The following GMDS variants were observed in gnomAD, a reference collection of about 807,000 sequenced individuals.
GMDS encodes the protein GDP-mannose 4,6-dehydratase.
In GMDS, 20 loss-of-function variants were observed where a neutral mutation model predicts 49.9. The observed-to-expected ratio is 0.40, with a 90% CI of 0.28 to 0.58. GMDS has a LOEUF of 0.58. GMDS is among the 20% of genes least tolerant of loss of function. GMDS has a pLI of 0.42. For synonymous variants in GMDS, 177 were observed against 178.6 expected (o/e 0.99, Z 0.07); for missense variants, 362 against 481.4 (o/e 0.75, Z 2.32).
intron 8 of GMDS, among the ~76,000 whole-genome samples, chr6:1,734,554 C>T (rs2113464493): frequency 6.6e-6 from 1 of 152,322 alleles, no homozygotes; most frequent in South Asian, 2.1e-4. Flanking sequence ...CCACCCTGGG[C>T]CCAGACAACA....
chr6:1,877,377 C>T (rs1160201930), intron 7 of GMDS, among the ~76,000 whole-genome samples: 1 of 152,058 alleles, frequency 6.6e-6, no homozygotes, highest in Non-Finnish European at 1.5e-5. Context: ...TGGTGGCTCA[C>T]CTCTGTAATC....
chr6:1,726,816 A>G (rs1314627472), intron 8 of GMDS, among the ~76,000 whole-genome samples: 11 of 152,168 alleles, frequency 7.2e-5, no homozygotes, highest in Admixed American at 7.2e-4. Context: ...AGGGATTTCA[A>G]AGATTTTGTA....
At chr6:2,040,748 C>T (rs573407064) in intron 4 of GMDS, among the ~76,000 whole-genome samples, 3 of 152,246 alleles carry the variant, frequency 2.0e-5, no homozygotes, top group South Asian at 4.1e-4. Flanking sequence ...CCTTCTCCCC[C>T]GAAGCAGGTC....
intron 7 of GMDS, among the ~76,000 whole-genome samples, chr6:1,865,030 A>G (rs1188782371): frequency 2.0e-5 from 3 of 152,186 alleles, no homozygotes; most frequent in Non-Finnish European, 2.9e-5. Flanking sequence ...TTATTGCCGG[A>G]GCTTAGAAAC....
intron 2 of GMDS, among the ~76,000 whole-genome samples, chr6:2,121,244 C>A (rs1403756386): frequency 6.6e-6 from 1 of 152,162 alleles, no homozygotes; most frequent in Admixed American, 6.5e-5. Flanking sequence ...GAGAATGATC[C>A]TCTGCACTTC....
At chr6:2,190,563 A>C (rs953634507) in intron 1 of GMDS, among the ~76,000 whole-genome samples, 3 of 152,224 alleles carry the variant, frequency 2.0e-5, no homozygotes, top group African/African-American at 7.2e-5. Context: ...CAGGACCCCA[A>C]GAGGCTGCCA....
chr6:2,000,238 T>C (rs998015571), intron 4 of GMDS, among the ~76,000 whole-genome samples: 17 of 149,664 alleles, frequency 1.1e-4, no homozygotes, highest in Middle Eastern at 3.4e-3. Context: ...GGTTTCACCG[T>C]GTTAGCCAGG....
At chr6:1,918,596 A>G (rs1295676665) in intron 7 of GMDS, among the ~76,000 whole-genome samples, 2 of 151,582 alleles carry the variant, frequency 1.3e-5, no homozygotes, top group East Asian at 3.9e-4. Context: ...AAAGAAAAAA[A>G]AATTCAGCCG....
At chr6:2,059,533 C>T (rs1770999797) in intron 4 of GMDS, among the ~76,000 whole-genome samples, 1 of 147,702 alleles carries the variant, frequency 6.8e-6, no homozygotes, top group Non-Finnish European at 1.5e-5. Flanking sequence ...ACGGTGAAAC[C>T]CCGTCTCTAC....
intron 4 of GMDS, among the ~76,000 whole-genome samples, chr6:1,991,810 A>T (rs1250319397): frequency 6.6e-6 from 1 of 152,216 alleles, no homozygotes; most frequent in Non-Finnish European, 1.5e-5. Context: ...ATGTAATTTG[A>T]TAAGATGAAG....
intron 9 of GMDS, among the ~76,000 whole-genome samples, chr6:1,720,883 A>G (rs185275092): frequency 1.1e-3 from 171 of 152,232 alleles, no homozygotes; most frequent in Non-Finnish European, 1.6e-3. Context: ...GGGGGATCTA[A>G]TTTCCTGCTT....
rs543248059 is a variant in GMDS, at chr6:2,175,814, C to T, written c.103-51083G>A. On this transcript the variant is annotated intron_variant, in intron 1 of 10. Coordinates refer to ENST00000380815, the MANE Select transcript of GMDS (RefSeq NM_001500.4). ...GCTAACATTTATATAGCCCTTAAAACATGTTGTAAGCACCTTATGCATGAA... is the reference window on the plus strand; with the variant it reads ...GCTAACATTTATATAGCCCTTAAAATATGTTGTAAGCACCTTATGCATGAA... 61 of 634,622 alleles carry T rather than the reference C, an allele frequency of 9.6e-5. 1 individual carries two copies. In the South Asian group the frequency reaches 1.1e-3, roughly 11 times the overall value. The allele number at this position is 634,622 out of a possible 1,614,324, so 39.3% of individuals were successfully genotyped here.
chr6:2,021,708 C>T (rs1218716869), intron 4 of GMDS, among the ~76,000 whole-genome samples: 3 of 152,116 alleles, frequency 2.0e-5, no homozygotes, highest in Admixed American at 1.3e-4. Flanking sequence ...TATCCACTAA[C>T]GACAGCATTC....
intron 7 of GMDS, among the ~76,000 whole-genome samples, chr6:1,921,363 T>C (rs1761706744): frequency 6.6e-6 from 1 of 152,240 alleles, no homozygotes; most frequent in East Asian, 1.9e-4. Context: ...TACAGGTGTC[T>C]TTCATTAAAC....
intron 1 of GMDS, among the ~76,000 whole-genome samples, chr6:2,218,372 C>A (rs1407382215): frequency 6.6e-6 from 1 of 152,186 alleles, no homozygotes; most frequent in South Asian, 2.1e-4. Flanking sequence ...ACAGAAATTG[C>A]CTCCCTTCTA....
At chr6:2,099,801 C>A (rs1017318629) in intron 4 of GMDS, among the ~76,000 whole-genome samples, 1 of 151,856 alleles carries the variant, frequency 6.6e-6, no homozygotes, top group South Asian at 2.1e-4. Context: ...TGAGAAAAAC[C>A]ATTATATGCT....
chr6:2,155,576 CAGG>C (rs1177108618), intron 1 of GMDS, among the ~76,000 whole-genome samples: 3 of 152,100 alleles, frequency 2.0e-5, no homozygotes, highest in East Asian at 1.9e-4. Flanking sequence ...ATCTGACTGA[CAGG>C]AGAAGATTAG....
intron 1 of GMDS, among the ~76,000 whole-genome samples, chr6:2,125,792 G>C (rs1418433790): frequency 6.6e-6 from 1 of 152,194 alleles, no homozygotes. Context: ...TAACCCTAAA[G>C]GTTCTGGAAA....
At chr6:1,721,246 T>G (rs184941630) in intron 9 of GMDS, among the ~76,000 whole-genome samples, 421 of 152,294 alleles carry the variant, frequency 2.8e-3, no homozygotes, top group Admixed American at 4.6e-3. Flanking sequence ...ACAGGCCACA[T>G]GTTTTTACGG....
Sources: allele counts gnomAD v4.1 joint callset (sites outside exome capture counted in the v4.1 genomes callset), GRCh38; gene constraint gnomAD v4.1.1; transcripts MANE v1.5; gene names NCBI Gene and HGNC (gene_info 2026-07-23, HGNC 2026-07-21).